The following NBEA variants were observed in gnomAD, a reference collection of about 807,000 sequenced individuals.
NBEA encodes the protein neurobeachin.
NBEA carries 44 observed loss-of-function variants against 343.4 expected under a neutral mutation model. That is an observed-to-expected ratio of 0.13 (90% CI 0.10 to 0.16). The LOEUF (loss-of-function observed/expected upper bound fraction) is 0.16, where lower values mean the gene tolerates loss of function less well. NBEA is among the 10% of genes least tolerant of loss of function. The pLI, the probability that NBEA is intolerant of heterozygous loss-of-function variation, is 1.00. For missense variants in NBEA, 2,555 were observed against 3,631.3 expected, an observed-to-expected ratio of 0.70 and a Z score of 7.62; for synonymous variants, 1,175 against 1,238.7, an observed-to-expected ratio of 0.95 and a Z score of 1.08.
Position 35,109,276 on chromosome 13 carries a change from G to C in NBEA, c.1681-14G>C, listed in dbSNP as rs372925199. On this transcript the variant is annotated splice_polypyrimidine_tract_variant and intron_variant, in intron 11 of 58. Transcript: ENST00000379939. ...CTGGATGTTTCAAGCTAGAATTTCTGTTTTCTTTCTTAGTCATCAAGAGTT... is the reference window on the plus strand; with the variant it reads ...CTGGATGTTTCAAGCTAGAATTTCTCTTTTCTTTCTTAGTCATCAAGAGTT... 3 of 1,555,096 alleles carry C rather than the reference G, an allele frequency of 1.9e-6. No individual in the cohort carries two copies. Among genetic ancestry groups the C allele is most frequent in the South Asian group, 2.5e-5 (2 of 80,896 alleles).
chr13:35,383,797 G>A (rs2152893792), intron 38 of NBEA, among the ~76,000 whole-genome samples: 1 of 152,144 alleles, frequency 6.6e-6, no homozygotes, highest in Non-Finnish European at 1.5e-5. Flanking sequence ...CAGGAATAAT[G>A]TTGGTAAAAT....
At chr13:34,995,621 A>G (rs1477097114) in intron 1 of NBEA, among the ~76,000 whole-genome samples, 1 of 152,196 alleles carries the variant, frequency 6.6e-6, no homozygotes. Context: ...GGACAAAAAA[A>G]AACAACTTAA....
chr13:35,653,335 T>C (rs1208688748), intron 53 of NBEA, among the ~76,000 whole-genome samples: 1 of 147,932 alleles, frequency 6.8e-6, no homozygotes, highest in Non-Finnish European at 1.5e-5. Context: ...GTTCTTTTTT[T>C]TTTTTTTTTT....
intron 34 of NBEA, among the ~76,000 whole-genome samples, chr13:35,273,261 A>G (rs551540420): frequency 1.3e-5 from 2 of 152,280 alleles, no homozygotes; most frequent in Admixed American, 6.5e-5. Context: ...CTACTGGGTA[A>G]ATAACGAAAT....
intron 34 of NBEA, among the ~76,000 whole-genome samples, chr13:35,278,780 T>C (rs2034827761): frequency 6.6e-6 from 1 of 152,156 alleles, no homozygotes; most frequent in African/African-American, 2.4e-5. Context: ...ATTGGCAAAC[T>C]ATTTCTTAGA....
At chr13:35,525,982 C>A (rs763378792) in intron 41 of NBEA, among the ~76,000 whole-genome samples, 1 of 152,134 alleles carries the variant, frequency 6.6e-6, no homozygotes, top group Non-Finnish European at 1.5e-5. Context: ...CACGAACGTT[C>A]GGACCATAGC....
chr13:35,631,638 TAAA>T (rs59333937), intron 49 of NBEA, among the ~76,000 whole-genome samples: 41 of 126,460 alleles, frequency 3.2e-4, no homozygotes, highest in African/African-American at 9.5e-4. Flanking sequence ...GTCTCCTTTG[TAAA>T]AAAAAAAAAA....
At chr13:35,608,045 A>T (rs1388611737) in intron 48 of NBEA, among the ~76,000 whole-genome samples, 2 of 152,132 alleles carry the variant, frequency 1.3e-5, no homozygotes, top group African/African-American at 4.8e-5. Context: ...CTTTACTGTC[A>T]GTCACACATT....
intron 31 of NBEA, among the ~76,000 whole-genome samples, chr13:35,204,893 A>AT (rs1664762456): frequency 6.6e-6 from 1 of 152,066 alleles, no homozygotes; most frequent in Non-Finnish European, 1.5e-5. Flanking sequence ...TCTAGGTAAG[A>AT]TTTTTTTGGT....
intron 41 of NBEA, chr13:35,477,245 G>GATTTTTTGA (rs1225659370): frequency 6.0e-6 from 1 of 166,380 alleles, no homozygotes; most frequent in Non-Finnish European, 1.5e-5. Context: ...ATGTTAAAAT[G>GATTTTTTGA]ATTTTTTGAA....
chr13:35,469,703 T>C (rs2075557509), intron 40 of NBEA, among the ~76,000 whole-genome samples: 2 of 152,228 alleles, frequency 1.3e-5, no homozygotes, highest in Non-Finnish European at 2.9e-5. Flanking sequence ...CAGTCATTCC[T>C]CAACTCACTA....
chr13:35,385,421 C>T (rs1218813511), intron 38 of NBEA, among the ~76,000 whole-genome samples: 1 of 152,018 alleles, frequency 6.6e-6, no homozygotes, highest in African/African-American at 2.4e-5. Flanking sequence ...CTAGTTGGGC[C>T]AGGAATGGTG....
intron 7 of NBEA, among the ~76,000 whole-genome samples, chr13:35,057,691 A>G (rs372308501): frequency 3.3e-5 from 5 of 152,212 alleles, no homozygotes; most frequent in African/African-American, 1.2e-4. Flanking sequence ...TTTTTATTAT[A>G]GAGTGGAGGA....
intron 54 of NBEA, 105 bp downstream of exon 54, chr13:35,655,115 A>G: frequency 2.3e-6 from 2 of 874,624 alleles, no homozygotes; most frequent in Non-Finnish European, 3.2e-6. Flanking sequence ...TCATTTGCCA[A>G]CTTGAGTAGT....
intron 16 of NBEA, among the ~76,000 whole-genome samples, chr13:35,121,429 G>T (rs79379709): frequency 0.028 from 4,241 of 151,418 alleles, 85 homozygotes; most frequent in South Asian, 0.076. Flanking sequence ...TTTTACTTTG[G>T]TTCTCAAGAC....
intron 45 of NBEA, among the ~76,000 whole-genome samples, chr13:35,582,961 T>C (rs2153037800): frequency 6.6e-6 from 1 of 152,342 alleles, no homozygotes; most frequent in South Asian, 2.1e-4. Context: ...AAATATTAAA[T>C]TTTGAAATAA....
intron 38 of NBEA, among the ~76,000 whole-genome samples, chr13:35,388,706 G>C (rs2042363416): frequency 6.6e-6 from 1 of 152,184 alleles, no homozygotes; most frequent in Non-Finnish European, 1.5e-5. Context: ...TTAAATAAAT[G>C]TGAAAGGTTT....
At chr13:35,665,617 G>T (rs2085314149) in intron 56 of NBEA, among the ~76,000 whole-genome samples, 1 of 152,006 alleles carries the variant, frequency 6.6e-6, no homozygotes, top group Non-Finnish European at 1.5e-5. Context: ...AGATTACTTG[G>T]TTCTTTGGAG....
intron 17 of NBEA, among the ~76,000 whole-genome samples, chr13:35,128,095 G>T (rs1232840744): frequency 9.1e-6 from 1 of 109,596 alleles, no homozygotes; most frequent in East Asian, 3.3e-4. Context: ...AGGGGTGGGG[G>T]GAGGGGGGAG....
Sources: allele counts gnomAD v4.1 joint callset (sites outside exome capture counted in the v4.1 genomes callset), GRCh38; gene constraint gnomAD v4.1.1; transcripts MANE v1.5; gene names NCBI Gene and HGNC (gene_info 2026-07-23, HGNC 2026-07-21).